The following SOCS2 variants were observed in gnomAD, a reference collection of about 807,000 sequenced individuals.
SOCS2 encodes the protein suppressor of cytokine signaling 2, also known as CIS-2.
SOCS2 carries 10 observed loss-of-function variants against 18.6 expected under a neutral mutation model. That is an observed-to-expected ratio of 0.54 (90% CI 0.33 to 0.91). SOCS2 has a LOEUF of 0.91. Among genes scored for constraint, SOCS2 ranks in the 40% least tolerant of loss-of-function variants. SOCS2 has a pLI of 0.02. For synonymous variants in SOCS2, 104 were observed against 104.0 expected (o/e 1.00, Z 0.00); for missense variants, 231 against 247.2 (o/e 0.93, Z 0.44).
downstream of SOCS2, among the ~76,000 whole-genome samples, chr12:93,580,473 T>G (rs1341371264): frequency 6.6e-6 from 1 of 151,866 alleles, no homozygotes; most frequent in Non-Finnish European, 1.5e-5. Context: ...ATACAAAAAT[T>G]AGCCAGGTGT....
chr12:93,614,474 CCTTCCTTTCCTTCCTT>C, the SOCS2 span, among the ~76,000 whole-genome samples: 1 of 81,218 alleles, frequency 1.2e-5, no homozygotes, highest in Non-Finnish European at 2.1e-5. Flanking sequence ...TTCCTTCCTT[CCTTCCTTTCCTTCCTT>C]CCTTCCTTCC....
chr12:93,613,309 T>C, the SOCS2 span, among the ~76,000 whole-genome samples: 1 of 152,252 alleles, frequency 6.6e-6, no homozygotes, highest in Non-Finnish European at 1.5e-5. Context: ...CTCATCCTCA[T>C]GTACAGCCTA....
At chr12:93,598,487 A>G in the SOCS2 span, among the ~76,000 whole-genome samples, 5 of 152,328 alleles carry the variant, frequency 3.3e-5, no homozygotes, top group African/African-American at 1.2e-4. Context: ...AAGGCATTCA[A>G]GTGAGAAGAG....
chr12:93,614,085 A>AT, the SOCS2 span, among the ~76,000 whole-genome samples: 432 of 145,072 alleles, frequency 3.0e-3, 3 homozygotes, highest in African/African-American at 7.3e-3. Flanking sequence ...TTAACCAGCC[A>AT]TTTTTTTTTT....
chr12:93,614,984 G>A, the SOCS2 span, among the ~76,000 whole-genome samples: 1,055 of 149,986 alleles, frequency 7.0e-3, 18 homozygotes, highest in African/African-American at 0.024. Context: ...TTGAGCAGCC[G>A]GCAAAGGATC....
At chr12:93,578,011 C>T (rs1954490956), downstream of SOCS2, among the ~76,000 whole-genome samples, 1 of 152,004 alleles carries the variant, frequency 6.6e-6, no homozygotes. Context: ...CTTATATATC[C>T]CCAAACTCTG....
At chr12:93,596,339 C>T in the SOCS2 span, among the ~76,000 whole-genome samples, 1 of 152,176 alleles carries the variant, frequency 6.6e-6, no homozygotes, top group Non-Finnish European at 1.5e-5. Context: ...AAAGGCATCC[C>T]TTTACTAAGT....
downstream of SOCS2, among the ~76,000 whole-genome samples, chr12:93,583,877 G>T (rs771325483): frequency 1.3e-5 from 2 of 152,216 alleles, no homozygotes; most frequent in Non-Finnish European, 2.9e-5. Flanking sequence ...CCACTTCAGA[G>T]ACAAGGAGAT....
the SOCS2 span, among the ~76,000 whole-genome samples, chr12:93,614,476 TTC>T: frequency 2.6e-5 from 2 of 77,532 alleles, no homozygotes; most frequent in South Asian, 8.7e-4. Flanking sequence ...CCTTCCTTCC[TTC>T]CTTTCCTTCC....
At position 93,575,251 on chromosome 12, in the gene SOCS2, C is replaced by G. The variant is rs1954429231; in HGVS notation, c.*72C>G. 6 of 1,043,512 alleles carry G rather than the reference C, an allele frequency of 5.7e-6. No individual in the cohort carries two copies. Among genetic ancestry groups the G allele is most frequent in the Non-Finnish European group, 8.2e-6 (6 of 733,112 alleles). 64.6% of individuals were successfully genotyped at this position (1,043,512 alleles called of 1,614,324 possible). On this transcript the variant is annotated 3_prime_UTR_variant, in exon 2 of 2. Transcript: ENST00000551556. ...GCAGCTATGTAAAAGAGAACCAAAA[C>G]TTGAGTGCTCTGGATAACTATATGG...
chr12:93,590,783 C>CAAAA, the SOCS2 span, among the ~76,000 whole-genome samples: 54 of 38,950 alleles, frequency 1.4e-3, 14 homozygotes, highest in African/African-American at 3.5e-3. Flanking sequence ...GACTCCGCCT[C>CAAAA]AAAAAAAAAA....
At chr12:93,612,137 G>A in the SOCS2 span, among the ~76,000 whole-genome samples, 180 of 152,252 alleles carry the variant, frequency 1.2e-3, no homozygotes, top group African/African-American at 4.2e-3. Flanking sequence ...CAAAATAAAA[G>A]GATGTATCTA....
the SOCS2 span, among the ~76,000 whole-genome samples, chr12:93,603,625 T>C: frequency 4.6e-5 from 7 of 151,616 alleles, no homozygotes; most frequent in African/African-American, 1.7e-4. Flanking sequence ...TATTATTTTT[T>C]TTAAAGCCAT....
the SOCS2 span, among the ~76,000 whole-genome samples, chr12:93,614,470 CCTTCCTTCCTTTCCTT>C: frequency 4.5e-5 from 4 of 89,866 alleles, no homozygotes; most frequent in African/African-American, 2.7e-4. Flanking sequence ...TTCCTTCCTT[CCTTCCTTCCTTTCCTT>C]CCTTCCTTCC....
chr12:93,614,627 C>G, the SOCS2 span, among the ~76,000 whole-genome samples: 501 of 89,712 alleles, frequency 5.6e-3, 18 homozygotes, highest in African/African-American at 0.013. Flanking sequence ...TTCTTTCTTT[C>G]TTTCTTTTGA....
the SOCS2 span, among the ~76,000 whole-genome samples, chr12:93,618,365 T>G: frequency 6.6e-6 from 1 of 152,172 alleles, no homozygotes; most frequent in Non-Finnish European, 1.5e-5. Context: ...AGTTTTTAAA[T>G]ATGGCTCAAA....
chr12:93,607,430 T>C, the SOCS2 span, among the ~76,000 whole-genome samples: 34 of 152,298 alleles, frequency 2.2e-4, no homozygotes, highest in African/African-American at 7.9e-4. Flanking sequence ...ACCTGGTTCC[T>C]GAGAGTTCAC....
the SOCS2 span, among the ~76,000 whole-genome samples, chr12:93,618,333 C>A: frequency 2.0e-5 from 3 of 152,248 alleles, no homozygotes; most frequent in East Asian, 5.8e-4. Flanking sequence ...GACACCAACC[C>A]AGTAGAAAAT....
Position 93,575,257 on chromosome 12 carries a change from T to C in SOCS2, c.*78T>C. On this transcript the variant is annotated 3_prime_UTR_variant, in exon 2 of 2. Transcript: ENST00000551556. ...ATGTAAAAGAGAACCAAAACTTGAGTGCTCTGGATAACTATATGGAATGCT... is the reference window on the plus strand; with the variant it reads ...ATGTAAAAGAGAACCAAAACTTGAGCGCTCTGGATAACTATATGGAATGCT... 1 of 999,032 alleles carries C rather than the reference T, an allele frequency of 1.0e-6. No individual in the cohort carries two copies. The highest frequency in any genetic ancestry group is 2.8e-4 in the Middle Eastern group (1 of 3,586). 61.9% of individuals were successfully genotyped at this position (999,032 alleles called of 1,614,324 possible).
Sources: gnomAD v4.1 joint callset for allele counts (sites outside exome capture counted in the v4.1 genomes callset) on GRCh38, gnomAD v4.1.1 for gene constraint, MANE v1.5 for transcripts, NCBI Gene and HGNC (gene_info 2026-07-23, HGNC 2026-07-21) for gene names.